EIF2S3: variants seen among roughly 807,000 people sequenced by gnomAD.
EIF2S3 encodes the protein eukaryotic translation initiation factor 2 subunit gamma.
In EIF2S3, 2 loss-of-function variants were observed where a neutral mutation model predicts 31.7. The observed-to-expected ratio is 0.06, with a 90% CI of 0.03 to 0.20. The LOEUF (loss-of-function observed/expected upper bound fraction) is 0.20. Ranked by LOEUF, EIF2S3 falls within the 10% of genes least tolerant of loss-of-function variation. The pLI, the probability that EIF2S3 is intolerant of heterozygous loss-of-function variation, is 1.00. For synonymous variants in EIF2S3, 120 were observed against 126.7 expected (o/e 0.95, Z 0.36); for missense variants, 96 against 359.3 (o/e 0.27, Z 5.92).
chrX:24,064,630 C>T (rs750259016), intron 7 of EIF2S3, among the ~76,000 whole-genome samples: 7 of 111,865 alleles, frequency 6.3e-5, no homozygotes, highest in Non-Finnish European at 1.3e-4. Flanking sequence ...GAGTTTGAGA[C>T]CAGCCTGATC....
chrX:24,056,580 C>T (rs191997196), intron 2 of EIF2S3, among the ~76,000 whole-genome samples: 3 of 111,724 alleles, frequency 2.7e-5, no homozygotes, highest in Admixed American at 9.6e-5. Context: ...AAGTTCTGGC[C>T]GGGTGCAGTG....
At position 24,070,351 on chromosome X, in the gene EIF2S3, A is replaced by G. The variant is rs1359013714; in HGVS notation, c.1013-1207A>G. ...CAGCAAAAAAAAGTTTTCCCAATCAATCTTGCTCCATCTATATATCTTCTT... is the reference window on the plus strand; with the variant it reads ...CAGCAAAAAAAAGTTTTCCCAATCAGTCTTGCTCCATCTATATATCTTCTT... On this transcript the variant is annotated intron_variant, in intron 9 of 11. Coordinates refer to ENST00000253039, the MANE Select transcript of EIF2S3 (RefSeq NM_001415.4). Among the ~76,000 whole-genome samples the G allele has an allele frequency of 3.7e-5, 4 of 107,048 alleles. No individual in the cohort carries two copies. The Admixed American group carries it at 4.1e-4, about 11-fold the overall frequency. 93.0% of individuals were successfully genotyped at this position (107,048 alleles called of 115,157 possible).
At chrX:24,057,833 T>TAA in intron 4 of EIF2S3, 79 bp downstream of exon 4, 1 of 1,045,986 alleles carries the variant, frequency 9.6e-7, no homozygotes, top group Non-Finnish European at 1.3e-6. Flanking sequence ...TATCGAGGTG[T>TAA]TAAACGGTGA....
chrX:24,073,464 G>A (rs1262820177), intron 11 of EIF2S3: 14 of 389,190 alleles, frequency 3.6e-5, no homozygotes, highest in Non-Finnish European at 3.8e-5. Flanking sequence ...AGGCCTAGGC[G>A]GGTGGATCAT....
intron 4 of EIF2S3, among the ~76,000 whole-genome samples, chrX:24,059,034 G>C (rs768483464): frequency 1.8e-5 from 2 of 112,135 alleles, no homozygotes; most frequent in East Asian, 5.6e-4. Flanking sequence ...CATTTTCCTT[G>C]ATTACTGAGT....
intron 10 of EIF2S3, among the ~76,000 whole-genome samples, chrX:24,072,227 CAGGGAAA>C (rs1679995259): frequency 1.8e-5 from 2 of 111,327 alleles, no homozygotes; most frequent in African/African-American, 6.5e-5. Context: ...ACTTAATAAA[CAGGGAAA>C]AGTATTAGCC....
chrX:24,069,553 G>A (rs1930631346), intron 9 of EIF2S3, among the ~76,000 whole-genome samples: 1 of 109,165 alleles, frequency 9.2e-6, no homozygotes, highest in South Asian at 3.9e-4. Flanking sequence ...CAATAAAATA[G>A]TAAGATTAGC....
At chrX:24,059,625 G>A (rs191256456) in intron 4 of EIF2S3, among the ~76,000 whole-genome samples, 4 of 111,267 alleles carry the variant, frequency 3.6e-5, no homozygotes, top group South Asian at 3.7e-4. Context: ...GTTTCACCAC[G>A]TTGGTCAGGC....
rs896869136 is a variant in EIF2S3 at position 24,073,219 on chromosome X, A to C, written c.1311A>C (p.Val437=). 1.7e-6 allele frequency: 2 copies of C among 1,209,685 alleles called. No homozygotes were observed. Among genetic ancestry groups the C allele is most frequent in the African/African-American group, 1.8e-5 (1 of 57,122 alleles). ...TGACCAATCCAGTGTGCACAGAGGTAGGAGAAAAAATTGCCCTTAGCCGAA... is the reference window on the plus strand; with the variant it reads ...TGACCAATCCAGTGTGCACAGAGGTCGGAGAAAAAATTGCCCTTAGCCGAA... ...IVLTNPVCTE[V]GEKIALSRRV... Residue 437 remains valine (V), a synonymous_variant, in exon 11 of 12, where the codon GTA becomes GTC. Transcript: ENST00000253039.
intron 2 of EIF2S3, 28 bp downstream of exon 2, chrX:24,055,706 T>TA: frequency 8.5e-7 from 1 of 1,175,492 alleles, no homozygotes; most frequent in Non-Finnish European, 1.2e-6. Context: ...GACCTAACCT[T>TA]GGTCTCCAAC....
intron 6 of EIF2S3, among the ~76,000 whole-genome samples, chrX:24,062,836 A>G (rs1380311390): frequency 8.9e-6 from 1 of 111,847 alleles, no homozygotes; most frequent in East Asian, 2.8e-4. Context: ...TATCAATCAG[A>G]TTAAAAAAAA....
chrX:24,059,610 A>G (rs1930460674), intron 4 of EIF2S3, among the ~76,000 whole-genome samples: 1 of 110,534 alleles, frequency 9.0e-6, no homozygotes, highest in East Asian at 2.9e-4. Flanking sequence ...TTTATTAGAG[A>G]CCGGGTTTCA....
intron 8 of EIF2S3, among the ~76,000 whole-genome samples, chrX:24,067,201 G>T (rs1244423430): frequency 6.3e-5 from 7 of 110,955 alleles, no homozygotes; most frequent in African/African-American, 2.3e-4. Context: ...TCGCAACCTC[G>T]CCCAGCTAAT....
chrX:24,065,935 G>C, intron 7 of EIF2S3, 63 bp from the exon 8 acceptor site: 1 of 1,014,982 alleles, frequency 9.9e-7, no homozygotes, highest in African/African-American at 1.9e-5. Context: ...ACATTAACAT[G>C]GAAAATAATA....
intron 9 of EIF2S3, 40 bp downstream of exon 9, chrX:24,068,148 T>G (rs1402505243): frequency 8.8e-7 from 1 of 1,141,293 alleles, no homozygotes; most frequent in South Asian, 2.2e-5. Context: ...TTGTGGCTAT[T>G]TGTGGTACTT....
intron 5 of EIF2S3, among the ~76,000 whole-genome samples, chrX:24,061,636 A>G (rs1930494850): frequency 9.0e-6 from 1 of 110,832 alleles, no homozygotes; most frequent in Non-Finnish European, 1.9e-5. Context: ...CGACTTGAGG[A>G]GGTTGATCAT....
rs1251042981 is a variant in EIF2S3 at position 24,077,971 on chromosome X, A to G, written c.*1186A>G. The G allele has an allele frequency of 6.3e-5, 7 of 111,270 alleles. No individual in the cohort carries two copies. Among genetic ancestry groups the G allele is most frequent in the Non-Finnish European group, 1.1e-4 (6 of 53,137 alleles). The allele number at this position is 111,270 out of a possible 1,213,427, so 9.2% of individuals were successfully genotyped here. A position where few individuals can be genotyped will look rare whatever the true frequency, so the allele number is the denominator to read the frequency against. On this transcript the variant is annotated 3_prime_UTR_variant, in exon 12 of 12. Transcript: ENST00000253039. Reference sequence around the variant, plus strand: ...AAGAAGTAAAAGATGTTAGAAAGCAATGAGTGAGTCCTTTTGATTTTTAAC... The same window carrying G: ...AAGAAGTAAAAGATGTTAGAAAGCAGTGAGTGAGTCCTTTTGATTTTTAAC...
rs1209257363 is a variant in EIF2S3 at position 24,077,139 on chromosome X, G to A, written c.*354G>A. ...GTCACCCAGGCTGGAGTGCAGTGGC[G>A]TGATCTGCAACCTCTGCCCCCCGGG... is the stretch of plus-strand genomic sequence containing the variant. On this transcript the variant is annotated 3_prime_UTR_variant, in exon 12 of 12. Transcript: ENST00000253039. 3.2e-5 allele frequency: 4 copies of A among 126,769 alleles called. No homozygotes were observed. The highest frequency in any genetic ancestry group is 4.7e-5 in the Non-Finnish European group (3 of 64,489). 10.4% of individuals were successfully genotyped at this position (126,769 alleles called of 1,213,427 possible).
chrX:24,076,573 A>G, intron 11 of EIF2S3, 149 bp from the exon 12 acceptor site: 2 of 500,938 alleles, frequency 4.0e-6, no homozygotes, highest in Non-Finnish European at 6.7e-6. Flanking sequence ...GAATCTAAGA[A>G]TATAGTGTGG....
Sources: gnomAD v4.1 joint callset for allele counts (sites outside exome capture counted in the v4.1 genomes callset) on GRCh38, gnomAD v4.1.1 for gene constraint, MANE v1.5 for transcripts, NCBI Gene and HGNC (gene_info 2026-07-23, HGNC 2026-07-21) for gene names.